Variants in FLT3 observed in about 807,000 individuals in gnomAD.
FLT3 encodes the protein fms related receptor tyrosine kinase 3.
In FLT3, 46 loss-of-function variants were observed where a neutral mutation model predicts 126.6. The ratio of observed to expected loss-of-function variants is 0.36; its 90% CI spans 0.29 to 0.46. The LOEUF (loss-of-function observed/expected upper bound fraction) is 0.46, where lower values mean the gene tolerates loss of function less well. Among genes scored for constraint, FLT3 ranks in the 20% least tolerant of loss-of-function variants. The probability of loss-of-function intolerance (pLI) is 1.00; values close to 1 mark genes in which losing one functional copy is unlikely to be tolerated. For missense variants in FLT3, 1,069 were observed against 1,190.3 expected (o/e 0.90, Z 1.50); for synonymous variants, 404 against 434.4 (o/e 0.93, Z 0.87).
chr13:28,034,259 C>T (rs376005070), intron 13 of FLT3, 42 bp downstream of exon 13: 7 of 1,613,286 alleles, frequency 4.3e-6, no homozygotes, highest in Non-Finnish European at 5.9e-6. Flanking sequence ...GGCAGTTCTG[C>T]AGATAGAGGA....
rs1186405898 is a variant in FLT3 at position 28,100,259 on chromosome 13, G to C, written c.43+209C>G. Among the ~76,000 whole-genome samples, 5 of 152,150 alleles carry C rather than the reference G, an allele frequency of 3.3e-5. No individual in the cohort carries two copies. Among genetic ancestry groups the C allele is most frequent in the Non-Finnish European group, 5.9e-5 (4 of 68,012 alleles). On this transcript the variant is annotated intron_variant, in intron 1 of 23. Transcript: ENST00000241453. This position sits in a 1 kb window ranked among gnomAD's most constrained non-coding sequence, Gnocchi z 4.8. Reference sequence around the variant, plus strand: ...AGAGACTTCGGAGAAGAGGGAAGAGGACGCGGGGTGGGAAACGCCGGGGCC... The same window carrying C: ...AGAGACTTCGGAGAAGAGGGAAGAGCACGCGGGGTGGGAAACGCCGGGGCC...
intron 1 of FLT3, among the ~76,000 whole-genome samples, chr13:28,087,391 A>G (rs1172295276): frequency 6.6e-6 from 1 of 152,210 alleles, no homozygotes; most frequent in Non-Finnish European, 1.5e-5. Context: ...TGACTTACAT[A>G]GTTCATGACA....
Position 28,088,649 on chromosome 13 carries a change from G to A in FLT3, c.43+11819C>T, listed in dbSNP as rs368737131. On this transcript the variant is annotated intron_variant, in intron 1 of 23. Transcript: ENST00000241453. ...CACCTGGGCTGGAGTGCAATGGTGCGATCTTGGCTCACTGCAACCTCCACC... is the reference window on the plus strand; with the variant it reads ...CACCTGGGCTGGAGTGCAATGGTGCAATCTTGGCTCACTGCAACCTCCACC... Among the ~76,000 whole-genome samples, 15 of 140,276 alleles carry A rather than the reference G, an allele frequency of 1.1e-4. No individual in the cohort carries two copies. The East Asian group carries it at 1.3e-3, about 12-fold the overall frequency. 92.0% of individuals were successfully genotyped at this position (140,276 alleles called of 152,430 possible). A position where few individuals can be genotyped will look rare whatever the true frequency, so the allele number is the denominator to read the frequency against.
At chr13:28,047,047 C>T (rs1235294064) in intron 9 of FLT3, among the ~76,000 whole-genome samples, 2 of 151,946 alleles carry the variant, frequency 1.3e-5, no homozygotes, top group African/African-American at 4.8e-5. Flanking sequence ...GGCTACCGTA[C>T]CGGACAGCAC....
chr13:28,005,105 G>T (rs1055260330), intron 23 of FLT3, among the ~76,000 whole-genome samples: 2 of 152,186 alleles, frequency 1.3e-5, no homozygotes, highest in Non-Finnish European at 2.9e-5. Flanking sequence ...CGAGGCGGGC[G>T]GATCACCTGG....
rs141942072 is a variant in FLT3 at position 28,035,614 on chromosome 13, C to T, written c.1478G>A (p.Gly493Glu). ...TAGAGTACTGCTCGACACCCACTGT[C>T]CAAACACTTTTCTGTTAGCCTTTCT... The part of the protein sequence containing the change: ...WNRKANRKVF[G>E]QWVSSSTLNM... Residue 493 changes from glycine (G) to glutamate (E), a missense_variant, in exon 12 of 24, where the codon GGA becomes GAA. Gly to Glu is a moderately conservative substitution (Grantham distance 98). Coordinates refer to ENST00000241453, the MANE Select transcript of FLT3 (RefSeq NM_004119.3). 2.5e-6 allele frequency: 4 copies of T among 1,614,028 alleles called. No individual in the cohort carries two copies. The highest frequency in any genetic ancestry group is 1.7e-5 in the Admixed American group (1 of 59,998).
In FLT3 at chr13:28,048,441, T is replaced by C. The variant is rs773063445; in HGVS notation, c.1039A>G (p.Lys347Glu). 3.2e-6 allele frequency: 5 copies of C among 1,584,528 alleles called. No homozygotes were observed. In the Admixed American group the frequency reaches 6.8e-5, roughly 22 times the overall value. Reference protein sequence around the residue: ...SQSALVTIVEKGFINATNSSE... With the variant: ...SQSALVTIVEEGFINATNSSE... ...GAATTGGTAGCATTTATAAATCCCT[T>C]TTCTGTAAGAAAAAATAGGCATTTA... The change falls in exon 9 of 24, where the codon AAG becomes GAG. Residue 347 changes from lysine (K) to glutamate (E), a missense_variant and splice_region_variant. Physicochemically the swap from Lys to Glu is moderately conservative, Grantham distance 56. Transcript: ENST00000241453.
At chr13:28,096,925 G>A (rs1000643955) in intron 1 of FLT3, among the ~76,000 whole-genome samples, 1 of 152,130 alleles carries the variant, frequency 6.6e-6, no homozygotes, top group African/African-American at 2.4e-5. Flanking sequence ...CTTGTGCCTA[G>A]CAAGAAATAG....
chr13:28,004,420 C>A (rs545098531), intron 23 of FLT3, among the ~76,000 whole-genome samples: 6 of 152,232 alleles, frequency 3.9e-5, no homozygotes, highest in Non-Finnish European at 8.8e-5. Context: ...ATCCTCCCAC[C>A]TTAACCTCCT....
intron 1 of FLT3, among the ~76,000 whole-genome samples, chr13:28,088,625 A>C: frequency 1.7e-5 from 2 of 117,246 alleles, no homozygotes; most frequent in African/African-American, 3.4e-5. Flanking sequence ...TCACACTGTC[A>C]CCTGGGCTGG....
chr13:28,026,056 C>G (rs577903393), intron 17 of FLT3, among the ~76,000 whole-genome samples: 1 of 152,098 alleles, frequency 6.6e-6, no homozygotes, highest in Non-Finnish European at 1.5e-5. Flanking sequence ...GAAATAAGAA[C>G]GCGCCAAGGC....
At chr13:28,082,533 T>G (rs1323412380) in intron 1 of FLT3, among the ~76,000 whole-genome samples, 1 of 151,924 alleles carries the variant, frequency 6.6e-6, no homozygotes, top group South Asian at 2.1e-4. Flanking sequence ...TCTCACTGTG[T>G]CACCTAGGAT....
At chr13:28,062,314 C>A (rs1334273824) in intron 2 of FLT3, among the ~76,000 whole-genome samples, 3 of 152,160 alleles carry the variant, frequency 2.0e-5, no homozygotes, top group Admixed American at 1.3e-4. Flanking sequence ...GGCGTGTGTC[C>A]CCCTACCTCT....
intron 7 of FLT3, 31 bp from the exon 8 acceptor site, chr13:28,049,568 A>C (rs1471066172): frequency 1.2e-6 from 2 of 1,612,570 alleles, no homozygotes; most frequent in Non-Finnish European, 1.7e-6. Context: ...GTTTGCATTT[A>C]ATGTTTTCAA....
chr13:28,074,527 C>T (rs976243036), intron 1 of FLT3, among the ~76,000 whole-genome samples: 8 of 152,172 alleles, frequency 5.3e-5, no homozygotes, highest in Admixed American at 5.2e-4. Flanking sequence ...TGTTCCCACT[C>T]GCAGTGTATG....
intron 1 of FLT3, among the ~76,000 whole-genome samples, chr13:28,081,686 T>C (rs1216662383): frequency 6.6e-6 from 1 of 152,130 alleles, no homozygotes; most frequent in Non-Finnish European, 1.5e-5. Context: ...TTTCTGATCT[T>C]AGGGAAAAGA....
rs9507983 is a variant in FLT3 at position 28,045,899 on chromosome 13, T to A, written c.1205+2376A>T. Reference sequence around the variant, plus strand: ...GATATTTCTGAATAACAGCTTACGATGACTGTGGGTTGATGCCTCTAAGGC... The same window carrying A: ...GATATTTCTGAATAACAGCTTACGAAGACTGTGGGTTGATGCCTCTAAGGC... On this transcript the variant is annotated intron_variant, in intron 9 of 23. Transcript: ENST00000241453. Among the ~76,000 whole-genome samples, 3 of 133,880 alleles carry A rather than the reference T, an allele frequency of 2.2e-5. No individual in the cohort carries two copies. In the Admixed American group the frequency reaches 2.4e-4, roughly 11 times the overall value. The allele number at this position is 133,880 out of a possible 152,430, so 87.8% of individuals were successfully genotyped here.
intron 9 of FLT3, among the ~76,000 whole-genome samples, chr13:28,038,864 A>T (rs760146464): frequency 6.6e-6 from 1 of 152,116 alleles, no homozygotes; most frequent in African/African-American, 2.4e-5. Flanking sequence ...AAGACCTAAA[A>T]AGTAGGTAGC....
chr13:28,051,418 G>A (rs1365995712), intron 5 of FLT3, among the ~76,000 whole-genome samples: 1 of 150,598 alleles, frequency 6.6e-6, no homozygotes, highest in Non-Finnish European at 1.5e-5. Flanking sequence ...TGTATTTTTA[G>A]TAGAGACGGG....
Sources: gnomAD v4.1 joint callset for allele counts (sites outside exome capture counted in the v4.1 genomes callset) on GRCh38, gnomAD v4.1.1 for gene constraint, Gnocchi (gnomAD v3.1) non-coding constraint, MANE v1.5 for transcripts, NCBI Gene and HGNC (gene_info 2026-07-23, HGNC 2026-07-21) for gene names.